The following ZNF451 variants were observed in gnomAD, a reference collection of about 807,000 sequenced individuals.
ZNF451 encodes the protein zinc finger protein 451, also known as E3 SUMO-protein ligase ZNF451.
Under a neutral mutation model 107.1 loss-of-function variants are expected in ZNF451, and 80 were observed. The observed-to-expected ratio is 0.75, with a 90% CI of 0.62 to 0.90. ZNF451 has a LOEUF of 0.90. Among genes scored for constraint, ZNF451 ranks in the 40% least tolerant of loss-of-function variants. ZNF451 has a pLI of 0.00. For missense variants in ZNF451, 1,107 were observed against 1,236.2 expected, an observed-to-expected ratio of 0.90 and a Z score of 1.57; for synonymous variants, 362 against 406.5, an observed-to-expected ratio of 0.89 and a Z score of 1.32.
Position 57,105,848 on chromosome 6 carries a change from AGAAT to A in ZNF451, c.186+6714_186+6717del, listed in dbSNP as rs528129309. ...GCTGACACTTTTATCTTTTTTTAAA[AGAAT>A]GAATGACAGCTTCCTTATCAGTATA... On this transcript the variant is annotated intron_variant, in intron 3 of 14. Coordinates refer to ENST00000370706, the MANE Select transcript of ZNF451 (RefSeq NM_001031623.3). The A allele has an allele frequency of 1.3e-5, 13 of 985,112 alleles. No homozygotes were observed. In the East Asian group the frequency reaches 1.5e-3, roughly 112 times the overall value. The allele number at this position is 985,112 out of a possible 1,614,324, so 61.0% of individuals were successfully genotyped here.
intron 2 of ZNF451, chr6:57,092,929 C>T (rs538614204): frequency 1.3e-5 from 2 of 152,202 alleles, no homozygotes; most frequent in East Asian, 1.9e-4. Flanking sequence ...TTGAAATATA[C>T]ATAAAAGTGC....
At chr6:57,109,296 TAC>T in intron 3 of ZNF451, 1 of 983,312 alleles carries the variant, frequency 1.0e-6, no homozygotes. Context: ...TTGTTTCATA[TAC>T]ACACATTTTT....
At chr6:57,119,957 G>T (rs1830558741) in intron 3 of ZNF451, among the ~76,000 whole-genome samples, 1 of 151,908 alleles carries the variant, frequency 6.6e-6, no homozygotes, top group South Asian at 2.1e-4. Context: ...TTTACATTAG[G>T]GTTCACACTT....
intron 2 of ZNF451, among the ~76,000 whole-genome samples, chr6:57,097,129 A>G (rs775244517): frequency 2.0e-5 from 3 of 152,112 alleles, no homozygotes; most frequent in Non-Finnish European, 4.4e-5. Flanking sequence ...TTTACCATAT[A>G]TTGGAGAGTA....
chr6:57,152,382 T>C, intron 12 of ZNF451, 31 bp downstream of exon 12: 1 of 1,612,088 alleles, frequency 6.2e-7, no homozygotes, highest in South Asian at 1.1e-5. Context: ...AAATCTAATG[T>C]GAATCTCAGA....
At chr6:57,132,596 TATAGGCCC>T (rs1386607109) in intron 5 of ZNF451, among the ~76,000 whole-genome samples, 1 of 152,122 alleles carries the variant, frequency 6.6e-6, no homozygotes, top group East Asian at 1.9e-4. Flanking sequence ...GGCATGTGCC[TATAGGCCC>T]ACCTGCTCAA....
At chr6:57,150,627 G>T (rs1010201893) in intron 10 of ZNF451, 92 bp from the exon 11 acceptor site, 5 of 1,286,440 alleles carry the variant, frequency 3.9e-6, no homozygotes, top group African/African-American at 1.5e-5. Context: ...TAGTATTTTT[G>T]CATATTAGGC....
intron 13 of ZNF451, chr6:57,159,047 CTGT>C (rs1593172702): frequency 1.0e-6 from 1 of 985,280 alleles, no homozygotes; most frequent in East Asian, 1.1e-4. Flanking sequence ...GTCTGTCTGC[CTGT>C]TGTTTCCTCA....
At chr6:57,110,860 C>T (rs1433369184) in intron 3 of ZNF451, among the ~76,000 whole-genome samples, 3 of 151,116 alleles carry the variant, frequency 2.0e-5, no homozygotes, top group African/African-American at 4.9e-5. Context: ...ACTTCGTATT[C>T]GTTTTTTAAG....
intron 3 of ZNF451, among the ~76,000 whole-genome samples, chr6:57,119,048 A>G (rs554529732): frequency 3.9e-5 from 6 of 152,218 alleles, no homozygotes; most frequent in Admixed American, 2.0e-4. Context: ...GAAAATACCA[A>G]TTTGGCCTTT....
intron 12 of ZNF451, 51 bp downstream of exon 12, chr6:57,152,402 AT>A (rs1271698659): frequency 4.4e-6 from 7 of 1,605,770 alleles, no homozygotes; most frequent in African/African-American, 2.7e-5. Flanking sequence ...ACCCACTTGC[AT>A]TTTTTTCCCC....
In ZNF451 at chr6:57,141,471, C is replaced by G. The variant is rs764710207; in HGVS notation, c.856+16C>G. The G allele has an allele frequency of 2.5e-6, 4 of 1,584,802 alleles. No homozygotes were observed. Among genetic ancestry groups the G allele is most frequent in the Non-Finnish European group, 3.4e-6 (4 of 1,162,812 alleles). On this transcript the variant is annotated intron_variant, in intron 8 of 14. Coordinates refer to ENST00000370706, the MANE Select transcript of ZNF451 (RefSeq NM_001031623.3). ...AAACTGGGTGGTATGTTAATACTCT[C>G]TTCTGCTGAAAATTAAACTACTTGA...
intron 3 of ZNF451, chr6:57,116,594 T>C (rs1255346220): frequency 2.6e-5 from 4 of 152,116 alleles, no homozygotes; most frequent in African/African-American, 7.2e-5. Context: ...ATAGTCTGCC[T>C]CATATACCTA....
intron 12 of ZNF451, among the ~76,000 whole-genome samples, chr6:57,152,787 T>C (rs1730943671): frequency 6.6e-6 from 1 of 151,886 alleles, no homozygotes; most frequent in African/African-American, 2.4e-5. Flanking sequence ...AGAGACGGGG[T>C]TTCTCCATGT....
At chr6:57,140,062 GA>G (rs1831676041) in intron 7 of ZNF451, among the ~76,000 whole-genome samples, 1 of 151,754 alleles carries the variant, frequency 6.6e-6, no homozygotes, top group Admixed American at 6.6e-5. Flanking sequence ...ATAGATATTT[GA>G]AAAAATATTG....
intron 12 of ZNF451, among the ~76,000 whole-genome samples, chr6:57,152,655 G>A (rs770904952): frequency 2.6e-5 from 4 of 152,146 alleles, no homozygotes; most frequent in Admixed American, 6.5e-5. Context: ...GTGCAGTGGC[G>A]CAGTCTCGGC....
chr6:57,154,792 AAGG>A (rs1467890947), intron 13 of ZNF451, among the ~76,000 whole-genome samples: 3 of 152,220 alleles, frequency 2.0e-5, no homozygotes, highest in Non-Finnish European at 4.4e-5. Flanking sequence ...ATTCATGAAT[AAGG>A]TTTGAAGATA....
intron 4 of ZNF451, among the ~76,000 whole-genome samples, chr6:57,128,052 A>C (rs1831013080): frequency 6.6e-6 from 1 of 152,194 alleles, no homozygotes; most frequent in African/African-American, 2.4e-5. Context: ...ATGAAATATT[A>C]ACTAGCCTTT....
chr6:57,112,316 C>A (rs1830152626), intron 3 of ZNF451, among the ~76,000 whole-genome samples: 1 of 152,150 alleles, frequency 6.6e-6, no homozygotes, highest in African/African-American at 2.4e-5. Flanking sequence ...GAATTCTGTT[C>A]AAACCAAATG....
Sources: gnomAD v4.1 joint callset for allele counts (sites outside exome capture counted in the v4.1 genomes callset) on GRCh38, gnomAD v4.1.1 for gene constraint, MANE v1.5 for transcripts, NCBI Gene and HGNC (gene_info 2026-07-23, HGNC 2026-07-21) for gene names.